EBPL: variants seen among roughly 807,000 people sequenced by gnomAD.
The protein encoded by EBPL is EBP like, also known as emopamil-binding protein-like.
Under a neutral mutation model 19.0 loss-of-function variants are expected in EBPL, and 20 were observed. The observed-to-expected ratio is 1.05, with a 90% CI of 0.74 to 1.53. EBPL has a LOEUF of 1.53. Among genes scored for constraint, EBPL ranks in the 40% most tolerant of loss-of-function variants. EBPL has a pLI of 0.00. For missense variants in EBPL, 219 were observed against 261.1 expected (o/e 0.84, Z 1.11); for synonymous variants, 107 against 117.0 (o/e 0.91, Z 0.55).
Position 49,670,923 on chromosome 13 carries a change from C to T in EBPL, c.172-1077G>A, listed in dbSNP as rs117999089. Among the ~76,000 whole-genome samples the T allele has an allele frequency of 1.4e-3, 218 of 152,314 alleles. 3 individuals are homozygous for T. In the East Asian group the frequency reaches 0.036, roughly 25 times the overall value. ...CCAGTTTGCTTGTGCATTGTTGAGACTGATTACATGTCCTTTCTTGTTCTC... is the reference window on the plus strand; with the variant it reads ...CCAGTTTGCTTGTGCATTGTTGAGATTGATTACATGTCCTTTCTTGTTCTC... On this transcript the variant is annotated intron_variant, in intron 1 of 3. Coordinates refer to ENST00000242827, the MANE Select transcript of EBPL (RefSeq NM_032565.5).
intron 2 of EBPL, among the ~76,000 whole-genome samples, chr13:49,666,689 G>A (rs566650056): frequency 4.9e-5 from 7 of 141,474 alleles, no homozygotes; most frequent in Admixed American, 3.8e-4. Flanking sequence ...TCCAGCTTGG[G>A]CGAAAGAGTG....
intron 1 of EBPL, 35 bp downstream of exon 1, chr13:49,691,219 G>C: frequency 7.6e-7 from 1 of 1,307,190 alleles, no homozygotes; most frequent in South Asian, 2.9e-5. Context: ...CACTCTCTGG[G>C]ATGGGGAGTG....
At chr13:49,672,744 A>G (rs765263633) in intron 1 of EBPL, among the ~76,000 whole-genome samples, 1 of 152,224 alleles carries the variant, frequency 6.6e-6, no homozygotes. Context: ...ACAGTGAGGT[A>G]TGACTGTATA....
intron 2 of EBPL, among the ~76,000 whole-genome samples, chr13:49,664,620 A>G (rs1384792123): frequency 1.3e-5 from 2 of 152,164 alleles, no homozygotes; most frequent in African/African-American, 4.8e-5. Flanking sequence ...ATCTCAAATG[A>G]TTACAGTGAA....
chr13:49,676,034 C>A, intron 1 of EBPL, among the ~76,000 whole-genome samples: 1 of 152,148 alleles, frequency 6.6e-6, no homozygotes, highest in East Asian at 1.9e-4. Context: ...AAATCCTTTG[C>A]CTACCTTTGA....
At chr13:49,668,431 A>G (rs181532273) in intron 2 of EBPL, 39,143 of 238,418 alleles carry the variant, frequency 0.16, 4,281 homozygotes, top group East Asian at 0.64. Context: ...AAAATTAGCT[A>G]GGCGTGGTGG....
chr13:49,672,592 TAATAAC>T (rs1452971070), intron 1 of EBPL, among the ~76,000 whole-genome samples: 1 of 152,092 alleles, frequency 6.6e-6, no homozygotes, highest in Admixed American at 6.5e-5. Flanking sequence ...TTAAAAATAA[TAATAAC>T]AATAATAATA....
intron 1 of EBPL, among the ~76,000 whole-genome samples, chr13:49,674,946 C>T (rs1376618455): frequency 6.6e-6 from 1 of 152,222 alleles, no homozygotes; most frequent in Non-Finnish European, 1.5e-5. Context: ...AAAACTAAAA[C>T]AATGTGCCCA....
chr13:49,668,730 A>G (rs181753744), intron 2 of EBPL, among the ~76,000 whole-genome samples: 1 of 152,334 alleles, frequency 6.6e-6, no homozygotes, highest in Non-Finnish European at 1.5e-5. Context: ...TGCTAATTGA[A>G]TATTGACTGA....
chr13:49,687,841 G>A (rs6561555), intron 1 of EBPL, among the ~76,000 whole-genome samples: 53,952 of 151,794 alleles, frequency 0.36, 9,983 homozygotes, highest in Non-Finnish European at 0.42. Flanking sequence ...TAAAATCTCG[G>A]ACGCTAGAGT....
chr13:49,681,808 T>A (rs536959966), intron 1 of EBPL, among the ~76,000 whole-genome samples: 1 of 152,354 alleles, frequency 6.6e-6, no homozygotes, highest in East Asian at 1.9e-4. Flanking sequence ...GCTGAGTTTA[T>A]ATTTGAATGT....
intron 1 of EBPL, among the ~76,000 whole-genome samples, chr13:49,680,619 C>T (rs979578948): frequency 1.3e-5 from 2 of 152,146 alleles, no homozygotes; most frequent in East Asian, 1.9e-4. Flanking sequence ...GTCAGGAGAT[C>T]GAGACCATCC....
intron 1 of EBPL, among the ~76,000 whole-genome samples, chr13:49,686,201 C>T (rs560542977): frequency 2.0e-5 from 3 of 152,338 alleles, no homozygotes; most frequent in Non-Finnish European, 2.9e-5. Flanking sequence ...CATCAGACAG[C>T]GAGAGCTGCC....
chr13:49,687,425 C>T (rs997535309), intron 1 of EBPL, among the ~76,000 whole-genome samples: 3 of 152,164 alleles, frequency 2.0e-5, no homozygotes, highest in African/African-American at 7.2e-5. Context: ...ATCCAACCTG[C>T]ACCATGTTGA....
At chr13:49,673,341 A>T (rs1346612074) in intron 1 of EBPL, among the ~76,000 whole-genome samples, 1 of 152,212 alleles carries the variant, frequency 6.6e-6, no homozygotes, top group African/African-American at 2.4e-5. Flanking sequence ...AAACAACTAC[A>T]CGAATGTTCA....
At chr13:49,682,802 C>T (rs530592715) in intron 1 of EBPL, among the ~76,000 whole-genome samples, 5 of 152,244 alleles carry the variant, frequency 3.3e-5, no homozygotes, top group Non-Finnish European at 5.9e-5. Context: ...AGGGGCATGC[C>T]CAAGTTTCTG....
intron 1 of EBPL, among the ~76,000 whole-genome samples, chr13:49,673,741 G>A (rs1049192649): frequency 4.6e-5 from 7 of 152,070 alleles, no homozygotes; most frequent in Admixed American, 2.0e-4. Context: ...CCAACCCTGT[G>A]GTTACATTTA....
chr13:49,665,113 C>CT (rs71078878), intron 2 of EBPL, among the ~76,000 whole-genome samples: 278 of 130,704 alleles, frequency 2.1e-3, no homozygotes, highest in Non-Finnish European at 3.0e-3. Flanking sequence ...TTGACCAAGT[C>CT]TTTTTTTTTT....
In EBPL at chr13:49,690,305, A is replaced by G. The variant is rs117992464; in HGVS notation, c.171+949T>C. Among the ~76,000 whole-genome samples the G allele has an allele frequency of 8.1e-3, 1,234 of 152,226 alleles. 7 individuals carry two copies. The highest frequency in any genetic ancestry group is 0.014 in the Non-Finnish European group (922 of 68,000). ...AGTCATGGGCACAAAGCCAACCCGT[A>G]AACATTTACAGAACTCGATGATTAC... On this transcript the variant is annotated intron_variant, in intron 1 of 3. Coordinates refer to ENST00000242827, the MANE Select transcript of EBPL (RefSeq NM_032565.5).
Sources: allele counts gnomAD v4.1 joint callset (sites outside exome capture counted in the v4.1 genomes callset), GRCh38; gene constraint gnomAD v4.1.1; transcripts MANE v1.5; gene names NCBI Gene and HGNC (gene_info 2026-07-23, HGNC 2026-07-21).